CNTLN: variants seen among roughly 807,000 people sequenced by gnomAD.
CNTLN encodes centlein.
Under a neutral mutation model 180.0 loss-of-function variants are expected in CNTLN, and 212 were observed. That is an observed-to-expected ratio of 1.18 (90% confidence interval 1.05 to 1.32). The LOEUF is 1.32. CNTLN is among the 40% of genes most tolerant of loss of function. CNTLN has a pLI of 0.00. For synonymous variants in CNTLN, 722 were observed against 563.1 expected (o/e 1.28, Z -3.99); for missense variants, 2,095 against 1,610.9 (o/e 1.30, Z -5.14).
At chr9:17,227,669 G>A (rs1286606946) in intron 3 of CNTLN, among the ~76,000 whole-genome samples, 2 of 151,910 alleles carry the variant, frequency 1.3e-5, no homozygotes, top group East Asian at 3.9e-4. Context: ...AAGACTAAAA[G>A]TTCCATTCCC....
chr9:17,299,118 C>T (rs1818161773), intron 7 of CNTLN: 1 of 212,964 alleles, frequency 4.7e-6, no homozygotes, highest in Non-Finnish European at 8.1e-6. Flanking sequence ...TGGTTCATGC[C>T]TGTAGTCCCA....
Position 17,267,260 on chromosome 9 carries a change from T to A in CNTLN, c.850-6473T>A, listed in dbSNP as rs149535970. Among the ~76,000 whole-genome samples, 781 of 152,156 alleles carry A rather than the reference T, an allele frequency of 5.1e-3. 5 individuals are homozygous for A. Among genetic ancestry groups the A allele is most frequent in the African/African-American group, 0.017 (724 of 41,518 alleles). ...TGGTGACAAAATCTCTCAGCATTTG[T>A]TTGTCTGTAAAGTATTTTATTTCTC... On this transcript the variant is annotated intron_variant, in intron 5 of 25. Transcript: ENST00000380647.
At chr9:17,431,236 A>C (rs1451214522) in intron 18 of CNTLN, among the ~76,000 whole-genome samples, 1 of 152,064 alleles carries the variant, frequency 6.6e-6, no homozygotes, top group Non-Finnish European at 1.5e-5. Context: ...CTTTTTGATA[A>C]CAGCCATTTT....
chr9:17,250,585 C>T (rs1826079146), intron 5 of CNTLN, among the ~76,000 whole-genome samples: 1 of 152,136 alleles, frequency 6.6e-6, no homozygotes, highest in African/African-American at 2.4e-5. Flanking sequence ...TGAATTGATA[C>T]AAAGTGTTTT....
chr9:17,271,489 T>A (rs973389562), intron 5 of CNTLN, among the ~76,000 whole-genome samples: 6 of 152,182 alleles, frequency 3.9e-5, no homozygotes, highest in African/African-American at 1.2e-4. Flanking sequence ...AGGTTTTTCA[T>A]GAAAATTGTT....
chr9:17,425,941 T>C (rs1324811403), intron 18 of CNTLN, among the ~76,000 whole-genome samples: 1 of 152,172 alleles, frequency 6.6e-6, no homozygotes, highest in African/African-American at 2.4e-5. Flanking sequence ...ACTTGGAAGA[T>C]ATGGATATTT....
chr9:17,267,366 C>T (rs1827552412), intron 5 of CNTLN, among the ~76,000 whole-genome samples: 1 of 151,926 alleles, frequency 6.6e-6, no homozygotes. Context: ...GAATATAGGC[C>T]CCCACTCTCT....
Position 17,430,469 on chromosome 9 carries a change from T to C in CNTLN, c.3114+14280T>C, listed in dbSNP as rs1436965432. ...TTATGGGGTACATGTGATATTTTGT[T>C]ACATGCATACAATGTGAATTGTATG... is the stretch of plus-strand genomic sequence containing the variant. On this transcript the variant is annotated intron_variant, in intron 18 of 25. Transcript: ENST00000380647. Among the ~76,000 whole-genome samples the C allele has an allele frequency of 2.2e-4, 34 of 152,070 alleles. 3 individuals are homozygous for C. Among genetic ancestry groups the C allele is most frequent in the Admixed American group, 2.2e-3 (33 of 15,268 alleles).
intron 25 of CNTLN, among the ~76,000 whole-genome samples, chr9:17,497,911 C>T (rs1833543635): frequency 6.6e-6 from 1 of 152,106 alleles, no homozygotes; most frequent in African/African-American, 2.4e-5. Context: ...TAAATAAATG[C>T]ATATACCAAA....
rs1244551352 is a variant in CNTLN at position 17,451,880 on chromosome 9, G to A, written c.3115-5644G>A. Among the ~76,000 whole-genome samples, 4 of 152,138 alleles carry A rather than the reference G, an allele frequency of 2.6e-5. No homozygotes were observed. The East Asian group carries it at 5.8e-4, about 22-fold the overall frequency. On this transcript the variant is annotated intron_variant, in intron 18 of 25. Coordinates refer to ENST00000380647, the MANE Select transcript of CNTLN (RefSeq NM_017738.4). ...TGGTAAAAAACAAATGGGAAAGACT[G>A]AACTGTGTCTTTGAATGCTGTAGGA...
intron 18 of CNTLN, among the ~76,000 whole-genome samples, chr9:17,442,014 A>G (rs1412763047): frequency 6.6e-6 from 1 of 152,206 alleles, no homozygotes; most frequent in Non-Finnish European, 1.5e-5. Flanking sequence ...GGCAAACCTC[A>G]GAACTCCTGT....
At chr9:17,267,963 TTCTTTC>T (rs1827616330) in intron 5 of CNTLN, among the ~76,000 whole-genome samples, 5 of 152,156 alleles carry the variant, frequency 3.3e-5, no homozygotes, top group Non-Finnish European at 5.9e-5. Context: ...AACTTTTAAC[TTCTTTC>T]CCATTGGTTT....
intron 7 of CNTLN, chr9:17,301,909 T>A (rs1178276524): frequency 5.4e-6 from 5 of 929,400 alleles, no homozygotes; most frequent in Non-Finnish European, 6.4e-6. Context: ...ATTTTTCACT[T>A]TAACATTATA....
chr9:17,335,551 G>A (rs1475425952), intron 10 of CNTLN, among the ~76,000 whole-genome samples: 1 of 152,092 alleles, frequency 6.6e-6, no homozygotes, highest in East Asian at 1.9e-4. Context: ...TTCAGAATTA[G>A]AATTGCAAAG....
rs781682940 is a variant in CNTLN, at chr9:17,235,732, C to G, written c.609C>G (p.Phe203Leu). ...TTGCAGTAGATGAAGAAAATGCTTT[C>G]TTAAGGAAAGAATTCAGTGACTTGG... ...RKIAVDEENAFLRKEFSDLEK... is the reference protein window; with the variant it reads ...RKIAVDEENALLRKEFSDLEK... Residue 203 changes from phenylalanine (F) to leucine (L), a missense_variant, in exon 4 of 26, where the codon TTC (phenylalanine) becomes TTG (leucine). Coordinates refer to ENST00000380647, the MANE Select transcript of CNTLN (RefSeq NM_017738.4). The G allele has an allele frequency of 1.9e-6, 3 of 1,606,770 alleles. No individual in the cohort carries two copies. The highest frequency in any genetic ancestry group is 3.4e-5 in the Admixed American group (2 of 58,762).
At chr9:17,443,065 T>C (rs892429889) in intron 18 of CNTLN, among the ~76,000 whole-genome samples, 7 of 152,240 alleles carry the variant, frequency 4.6e-5, no homozygotes, top group Non-Finnish European at 1.0e-4. Flanking sequence ...CTAGCCATCA[T>C]ACTTAAAGAA....
chr9:17,174,503 C>T (rs1820598115), intron 2 of CNTLN, among the ~76,000 whole-genome samples: 2 of 152,060 alleles, frequency 1.3e-5, no homozygotes, highest in African/African-American at 4.8e-5. Flanking sequence ...TGAAACCAGC[C>T]TGGCCAATAT....
rs982259320 is a variant in CNTLN, at chr9:17,503,552, T to A, written c.*900T>A. On this transcript the variant is annotated 3_prime_UTR_variant, in exon 26 of 26. Coordinates refer to ENST00000380647, the MANE Select transcript of CNTLN (RefSeq NM_017738.4). ...AATACTCTGCACTCAACTTTCCTCA[T>A]GGCTGGCTCCTTGTCATCATTCAGC... 6.6e-6 allele frequency: 1 copy of A among 152,278 alleles called. No individual in the cohort carries two copies. The highest frequency in any genetic ancestry group is 2.4e-5 in the African/African-American group (1 of 41,466). The allele number at this position is 152,278 out of a possible 1,614,324, so 9.4% of individuals were successfully genotyped here. A position where few individuals can be genotyped will look rare whatever the true frequency, so the allele number is the denominator to read the frequency against.
intron 2 of CNTLN, among the ~76,000 whole-genome samples, chr9:17,202,597 C>G (rs1822608693): frequency 7.9e-6 from 1 of 127,278 alleles, no homozygotes; most frequent in Non-Finnish European, 1.7e-5. Context: ...CTTTTTTGAT[C>G]TTTGTTTGTT....
Sources: gnomAD v4.1 joint callset for allele counts (sites outside exome capture counted in the v4.1 genomes callset) on GRCh38, gnomAD v4.1.1 for gene constraint, MANE v1.5 for transcripts, NCBI Gene and HGNC (gene_info 2026-07-23, HGNC 2026-07-21) for gene names.